EDIL3: variants seen among roughly 807,000 people sequenced by gnomAD.
EDIL3 encodes EGF-like repeat and discoidin I-like domain-containing protein 3.
Under a neutral mutation model 67.4 loss-of-function variants are expected in EDIL3, and 37 were observed. The ratio of observed to expected loss-of-function variants is 0.55; its 90% CI spans 0.42 to 0.72. EDIL3 has a LOEUF of 0.72. Among genes scored for constraint, EDIL3 ranks in the 30% least tolerant of loss-of-function variants. EDIL3 has a pLI of 0.00. For synonymous variants in EDIL3, 195 were observed against 196.3 expected, an observed-to-expected ratio of 0.99 and a Z score of 0.05; for missense variants, 527 against 586.3, an observed-to-expected ratio of 0.90 and a Z score of 1.04.
intron 4 of EDIL3, among the ~76,000 whole-genome samples, chr5:84,166,156 T>C (rs893907291): frequency 2.6e-5 from 4 of 152,176 alleles, no homozygotes; most frequent in African/African-American, 7.2e-5. Flanking sequence ...ATATACTACA[T>C]GGCTCCTCAT....
At chr5:84,084,404 T>G (rs1747031236) in intron 6 of EDIL3, among the ~76,000 whole-genome samples, 1 of 152,156 alleles carries the variant, frequency 6.6e-6, no homozygotes, top group African/African-American at 2.4e-5. Flanking sequence ...GAAAACAAAT[T>G]ATTTTTAATG....
chr5:84,003,166 C>T (rs938426777), intron 9 of EDIL3, among the ~76,000 whole-genome samples: 16 of 152,198 alleles, frequency 1.1e-4, no homozygotes, highest in African/African-American at 3.9e-4. Context: ...CTGTGAATCC[C>T]CCAGGTCCCC....
chr5:84,040,638 A>G (rs1490929528), intron 9 of EDIL3, among the ~76,000 whole-genome samples: 1 of 151,762 alleles, frequency 6.6e-6, no homozygotes, highest in Non-Finnish European at 1.5e-5. Context: ...TTTCCTACAG[A>G]GATAAGAGAA....
chr5:84,049,077 G>A (rs1168387247), intron 9 of EDIL3, among the ~76,000 whole-genome samples: 2 of 152,136 alleles, frequency 1.3e-5, no homozygotes, highest in Admixed American at 6.5e-5. Context: ...CAGTAGAGAA[G>A]ATTGGCAAAT....
chr5:84,254,213 C>T lies in EDIL3; in HGVS notation c.68-1G>A. 1 of 1,597,720 alleles carries T rather than the reference C, an allele frequency of 6.3e-7. No individual in the cohort carries two copies. Among genetic ancestry groups the T allele is most frequent in the Non-Finnish European group, 8.5e-7 (1 of 1,174,616 alleles). On this transcript the variant is annotated splice_acceptor_variant, in intron 1 of 10. Coordinates refer to ENST00000296591, the MANE Select transcript of EDIL3 (RefSeq NM_005711.5). LOFTEE classifies it high-confidence loss of function. ...CATGGATTGGGATCACAAATATCAC[C>T]TAAGGCATAAAAAAAAACCGAAATT...
chr5:84,062,371 G>T (rs1333518105), intron 8 of EDIL3, among the ~76,000 whole-genome samples: 1 of 152,076 alleles, frequency 6.6e-6, no homozygotes, highest in African/African-American at 2.4e-5. Flanking sequence ...CAGTTTGCAG[G>T]AGATACAAGG....
chr5:84,221,294 T>C (rs1489514985), intron 3 of EDIL3, among the ~76,000 whole-genome samples: 2 of 152,150 alleles, frequency 1.3e-5, no homozygotes, highest in East Asian at 3.8e-4. Flanking sequence ...TGATAGATTA[T>C]ACAACTACAT....
chr5:84,018,957 C>T (rs1317881322), intron 9 of EDIL3, among the ~76,000 whole-genome samples: 1 of 152,154 alleles, frequency 6.6e-6, no homozygotes, highest in Non-Finnish European at 1.5e-5. Context: ...GGACTGTAAA[C>T]TAGTTCAACC....
chr5:84,035,274 T>C (rs892149926), intron 9 of EDIL3, among the ~76,000 whole-genome samples: 1 of 152,148 alleles, frequency 6.6e-6, no homozygotes, highest in Non-Finnish European at 1.5e-5. Context: ...TTAGCAAAGA[T>C]CCTGCTGATT....
intron 9 of EDIL3, among the ~76,000 whole-genome samples, chr5:83,975,481 T>C (rs146238002): frequency 3.9e-5 from 6 of 152,116 alleles, no homozygotes; most frequent in African/African-American, 1.4e-4. Context: ...TCTCAAGTTA[T>C]AGTTCACTTA....
chr5:84,352,625 T>C (rs1747383716), intron 1 of EDIL3, among the ~76,000 whole-genome samples: 1 of 151,912 alleles, frequency 6.6e-6, no homozygotes, highest in Non-Finnish European at 1.5e-5. Context: ...TAATAGATAT[T>C]AGAGATTCCA....
At chr5:84,000,983 T>C (rs1745320867) in intron 9 of EDIL3, among the ~76,000 whole-genome samples, 1 of 151,004 alleles carries the variant, frequency 6.6e-6, no homozygotes, top group Non-Finnish European at 1.5e-5. Flanking sequence ...ACAGCAGAAG[T>C]GGTACTAAGA....
intron 8 of EDIL3, among the ~76,000 whole-genome samples, chr5:84,060,751 AGAT>A (rs1454900350): frequency 6.6e-6 from 1 of 152,222 alleles, no homozygotes; most frequent in Admixed American, 6.5e-5. Flanking sequence ...TTTCTGTGAT[AGAT>A]GATTCTGCAA....
intron 9 of EDIL3, among the ~76,000 whole-genome samples, chr5:84,058,472 T>C (rs1324715189): frequency 6.6e-6 from 1 of 151,658 alleles, no homozygotes; most frequent in Non-Finnish European, 1.5e-5. Context: ...TGAAAGAGGG[T>C]GGTAGCACTG....
chr5:84,179,402 A>G (rs955540623), intron 4 of EDIL3, among the ~76,000 whole-genome samples: 1 of 152,152 alleles, frequency 6.6e-6, no homozygotes, highest in African/African-American at 2.4e-5. Context: ...CAAAGCACAC[A>G]CGCCCATGCA....
chr5:83,948,236 T>C (rs1320351423), intron 10 of EDIL3, among the ~76,000 whole-genome samples: 5 of 151,740 alleles, frequency 3.3e-5, no homozygotes, highest in African/African-American at 1.2e-4. Flanking sequence ...TTATATATTA[T>C]ATAAGTATAT....
chr5:83,944,182 C>T (rs1296632162), intron 10 of EDIL3, among the ~76,000 whole-genome samples: 2 of 149,680 alleles, frequency 1.3e-5, no homozygotes, highest in Non-Finnish European at 1.5e-5. Context: ...TATCACAGTG[C>T]CTTTTGCCCA....
chr5:84,185,526 G>C (rs1743393890), intron 3 of EDIL3, among the ~76,000 whole-genome samples: 1 of 152,046 alleles, frequency 6.6e-6, no homozygotes, highest in African/African-American at 2.4e-5. Flanking sequence ...GCACACAGTA[G>C]GTGTTTGATA....
chr5:84,315,450 T>C (rs1029958726), intron 1 of EDIL3, among the ~76,000 whole-genome samples: 2 of 152,164 alleles, frequency 1.3e-5, no homozygotes, highest in Admixed American at 1.3e-4. Context: ...CAGTGGTTGT[T>C]TCTTATATTA....
Sources: allele counts gnomAD v4.1 joint callset (sites outside exome capture counted in the v4.1 genomes callset), GRCh38; gene constraint gnomAD v4.1.1; transcripts MANE v1.5; gene names NCBI Gene and HGNC (gene_info 2026-07-23, HGNC 2026-07-21).